PKIB: variants seen among roughly 807,000 people sequenced by gnomAD.
The protein encoded by PKIB is PKI-beta.
A neutral mutation model predicts 4.5 loss-of-function variants in PKIB; 2 were observed. That is an observed-to-expected ratio of 0.44 (90% CI 0.18 to 1.39). PKIB has a LOEUF of 1.39. Among genes scored for constraint, PKIB ranks in the 40% most tolerant of loss-of-function variants. The pLI is 0.27. For synonymous variants in PKIB, 38 were observed against 36.0 expected, an observed-to-expected ratio of 1.06 and a Z score of -0.20; for missense variants, 94 against 92.6, an observed-to-expected ratio of 1.02 and a Z score of -0.06.
chr6:122,588,681 T>A (rs1773926498), intron 3 of PKIB, among the ~76,000 whole-genome samples: 1 of 152,180 alleles, frequency 6.6e-6, no homozygotes, highest in African/African-American at 2.4e-5. Context: ...ATTGCTTTGT[T>A]TTCTGGTATT....
intron 2 of PKIB, among the ~76,000 whole-genome samples, chr6:122,645,186 CTCTT>C (rs1176378522): frequency 2.0e-5 from 3 of 152,200 alleles, no homozygotes; most frequent in African/African-American, 4.8e-5. Flanking sequence ...ACACACATAA[CTCTT>C]TCTTAAATAA....
chr6:122,666,897 G>T (rs1777240574), intron 2 of PKIB, among the ~76,000 whole-genome samples: 1 of 152,100 alleles, frequency 6.6e-6, no homozygotes, highest in Admixed American at 6.6e-5. Flanking sequence ...GACCTTGCTT[G>T]GCACTGGTTC....
intron 2 of PKIB, among the ~76,000 whole-genome samples, chr6:122,641,404 A>G (rs1415453897): frequency 6.6e-6 from 1 of 152,194 alleles, no homozygotes; most frequent in Non-Finnish European, 1.5e-5. Flanking sequence ...AGAAAACATC[A>G]TTCTAATTTA....
intron 2 of PKIB, among the ~76,000 whole-genome samples, chr6:122,558,777 T>TG: frequency 6.6e-6 from 1 of 152,152 alleles, no homozygotes; most frequent in Non-Finnish European, 1.5e-5. Context: ...CATAAGTTAT[T>TG]GGGTACAGGT....
chr6:122,594,359 A>G (rs1480715489), intron 3 of PKIB, among the ~76,000 whole-genome samples: 1 of 152,020 alleles, frequency 6.6e-6, no homozygotes, highest in Non-Finnish European at 1.5e-5. Flanking sequence ...GGCGTGCGCC[A>G]CCATGCCCAG....
At chr6:122,498,852 T>C (rs1428653738) in intron 2 of PKIB, among the ~76,000 whole-genome samples, 1 of 152,144 alleles carries the variant, frequency 6.6e-6, no homozygotes, top group African/African-American at 2.4e-5. Context: ...AAGATTCAAC[T>C]AAGCTTAATC....
intron 2 of PKIB, among the ~76,000 whole-genome samples, chr6:122,505,179 C>G (rs1001346879): frequency 1.3e-5 from 2 of 152,166 alleles, no homozygotes; most frequent in Non-Finnish European, 1.5e-5. Flanking sequence ...TAACTAGGAG[C>G]CTGTACGTCT....
At chr6:122,554,947 G>T (rs1008160770) in intron 2 of PKIB, among the ~76,000 whole-genome samples, 1 of 152,134 alleles carries the variant, frequency 6.6e-6, no homozygotes, top group African/African-American at 2.4e-5. Context: ...GCAAATTAAG[G>T]GGGGACAGAT....
intron 2 of PKIB, among the ~76,000 whole-genome samples, chr6:122,557,639 G>T (rs1174003649): frequency 6.6e-6 from 1 of 152,190 alleles, no homozygotes; most frequent in East Asian, 1.9e-4. Flanking sequence ...GCAATTAGGA[G>T]CAGTCCAGGT....
intron 3 of PKIB, among the ~76,000 whole-genome samples, chr6:122,686,056 T>C (rs1196574395): frequency 6.6e-6 from 1 of 152,198 alleles, no homozygotes; most frequent in Non-Finnish European, 1.5e-5. Flanking sequence ...CCATTCATCT[T>C]CTGATGAACA....
At chr6:122,543,203 A>T (rs946405734) in intron 2 of PKIB, among the ~76,000 whole-genome samples, 2 of 152,064 alleles carry the variant, frequency 1.3e-5, no homozygotes, top group Non-Finnish European at 2.9e-5. Flanking sequence ...TGGCTCATGC[A>T]TGGTGTGCTG....
intron 2 of PKIB, among the ~76,000 whole-genome samples, chr6:122,512,634 C>G (rs955848758): frequency 5.3e-5 from 8 of 152,140 alleles, no homozygotes; most frequent in African/African-American, 1.9e-4. Context: ...ATGCTCTGTC[C>G]CTTCACCTAC....
At chr6:122,535,078 T>C (rs898236556) in intron 2 of PKIB, among the ~76,000 whole-genome samples, 1 of 152,126 alleles carries the variant, frequency 6.6e-6, no homozygotes, top group Non-Finnish European at 1.5e-5. Flanking sequence ...ACCCTCAGCC[T>C]GTCCTCTCTC....
intron 2 of PKIB, among the ~76,000 whole-genome samples, chr6:122,490,550 T>C (rs1416759242): frequency 6.6e-6 from 1 of 152,096 alleles, no homozygotes; most frequent in Non-Finnish European, 1.5e-5. Context: ...GAGTTTCCTT[T>C]CAGTTCACAC....
intron 2 of PKIB, among the ~76,000 whole-genome samples, chr6:122,541,417 T>C (rs1472811886): frequency 6.6e-6 from 1 of 151,746 alleles, no homozygotes; most frequent in Non-Finnish European, 1.5e-5. Context: ...GTCTGTAAAG[T>C]ATTTTATTTC....
intron 2 of PKIB, among the ~76,000 whole-genome samples, chr6:122,576,125 T>C (rs955726474): frequency 4.6e-5 from 7 of 152,234 alleles, no homozygotes; most frequent in Non-Finnish European, 7.3e-5. Flanking sequence ...TTTGAGATTA[T>C]GGAAATGTCC....
intron 2 of PKIB, chr6:122,652,874 C>T (rs985821440): frequency 6.6e-6 from 1 of 152,358 alleles, no homozygotes; most frequent in African/African-American, 2.4e-5. Flanking sequence ...TCCCCATCCC[C>T]CACTAAGATT....
chr6:122,708,030 G>A (rs1779131534), intron 3 of PKIB, among the ~76,000 whole-genome samples: 1 of 152,032 alleles, frequency 6.6e-6, no homozygotes, highest in South Asian at 2.1e-4. Context: ...TAAGAATCAG[G>A]CATGGCTTTT....
At chr6:122,599,993 ATATCTATATCTATATC>A in intron 3 of PKIB, among the ~76,000 whole-genome samples, 1 of 149,300 alleles carries the variant, frequency 6.7e-6, no homozygotes, top group African/African-American at 2.5e-5. Context: ...ATCTATATCT[ATATCTATATCTATATC>A]TATATCTATA....
Sources: allele counts gnomAD v4.1 joint callset (sites outside exome capture counted in the v4.1 genomes callset), GRCh38; gene constraint gnomAD v4.1.1; transcripts MANE v1.5; gene names NCBI Gene and HGNC (gene_info 2026-07-23, HGNC 2026-07-21).